Variants in ABCG8 observed in about 807,000 individuals in gnomAD.
The protein encoded by ABCG8 is ATP-binding cassette sub-family G member 8.
In ABCG8, 81 loss-of-function variants were observed where a neutral mutation model predicts 71.3. The ratio of observed to expected loss-of-function variants is 1.14; its 90% CI spans 0.95 to 1.37. The LOEUF is 1.37. Among genes scored for constraint, ABCG8 ranks in the 40% most tolerant of loss-of-function variants. The pLI is 0.00. For synonymous variants in ABCG8, 451 were observed against 354.7 expected (o/e 1.27, Z -3.05); for missense variants, 1,119 against 866.2 (o/e 1.29, Z -3.66).
intron 6 of ABCG8, among the ~76,000 whole-genome samples, chr2:43,868,316 ACT>A (rs1245382966): frequency 1.3e-5 from 2 of 151,182 alleles, no homozygotes; most frequent in Admixed American, 1.3e-4. Context: ...TCTGGATAAA[ACT>A]CTCACTATCT....
chr2:43,860,960 T>G (rs1415952993), intron 6 of ABCG8, among the ~76,000 whole-genome samples: 1 of 151,118 alleles, frequency 6.6e-6, no homozygotes. Context: ...CTGGATATAA[T>G]TCTCACTCTC....
Position 43,875,345 on chromosome 2 carries a change from G to C in ABCG8, c.1688G>C (p.Ser563Thr). 1 of 1,614,162 alleles carries C rather than the reference G, an allele frequency of 6.2e-7. No homozygotes were observed. The highest frequency in any genetic ancestry group is 1.1e-5 in the South Asian group (1 of 91,086). The change falls in exon 11 of 13, where the codon AGC (serine) becomes ACC (threonine). Residue 563 changes from serine to threonine, a missense_variant. By Grantham distance (58) the Ser-to-Thr change is moderately conservative. Transcript: ENST00000272286. ...ACCTTCCACATGGCCTCCTTCTTCA[G>C]CAATGCCCTCTACAACTCCTTCTAC... ...LPTFHMASFF[S>T]NALYNSFYLA...
chr2:43,875,366 T>G lies in ABCG8; in HGVS notation c.1709T>G (p.Phe570Cys). The change falls in exon 11 of 13, where the codon TTC becomes TGC. Residue 570 changes from phenylalanine (F) to cysteine (C), a missense_variant. Physicochemically the swap from Phe to Cys is radical, Grantham distance 205. Coordinates refer to ENST00000272286, the MANE Select transcript of ABCG8 (RefSeq NM_022437.3). ...TTCAGCAATGCCCTCTACAACTCCT[T>G]CTACCTCGCCGGGGGCTTCATGATA... The part of the protein sequence containing the change: ...SFFSNALYNS[F>C]YLAGGFMINL... The G allele has an allele frequency of 6.2e-7, 1 of 1,614,104 alleles. No individual in the cohort carries two copies. Among genetic ancestry groups the G allele is most frequent in the Non-Finnish European group, 8.5e-7 (1 of 1,180,022 alleles).
chr2:43,846,990 G>GCGCC (rs1198377759), intron 3 of ABCG8: 1 of 110,838 alleles, frequency 9.0e-6, no homozygotes, highest in Admixed American at 9.7e-5. Flanking sequence ...ACGCGCGCGT[G>GCGCC]CACACACACA....
At chr2:43,855,601 G>T (rs960385446) in intron 6 of ABCG8, among the ~76,000 whole-genome samples, 4 of 152,116 alleles carry the variant, frequency 2.6e-5, no homozygotes, top group African/African-American at 7.2e-5. Flanking sequence ...TATCTAGATA[G>T]AATTATCACT....
At chr2:43,839,164 G>T (rs758562424) in intron 1 of ABCG8, 48 bp downstream of exon 1, 1 of 1,541,546 alleles carries the variant, frequency 6.5e-7, no homozygotes, top group Non-Finnish European at 8.8e-7. Context: ...GCGGGTAGGA[G>T]AAATCAAACC....
In ABCG8 at chr2:43,873,810, G is replaced by A. The variant is rs780528333; in HGVS notation, c.1235G>A (p.Arg412Gln). 6.8e-6 allele frequency: 11 copies of A among 1,613,872 alleles called. No homozygotes were observed. Among genetic ancestry groups the A allele is most frequent in the African/African-American group, 2.7e-5 (2 of 74,882 alleles). ...LIRRQISNDF[R>Q]DLPTLLIHGA... ...AGTCGTCAGATTTCCAACGACTTCC[G>A]AGACCTGCCCACCCTCCTCATCCAT... Residue 412 changes from arginine to glutamine, a missense_variant, in exon 9 of 13, where the codon CGA becomes CAA. Coordinates refer to ENST00000272286, the MANE Select transcript of ABCG8 (RefSeq NM_022437.3).
chr2:43,868,848 C>A (rs1258704594), intron 6 of ABCG8, among the ~76,000 whole-genome samples: 2 of 150,564 alleles, frequency 1.3e-5, no homozygotes, highest in Admixed American at 1.3e-4. Flanking sequence ...CTAGATAGAA[C>A]TCTCACAATC....
In ABCG8 at chr2:43,839,403, C is replaced by CTTTTTTTT. The variant is rs537784677; in HGVS notation, c.63+321_63+328dup. Among the ~76,000 whole-genome samples, 69 of 59,306 alleles carry CTTTTTTTT rather than the reference C, an allele frequency of 1.2e-3. 15 individuals are homozygous for CTTTTTTTT. Among genetic ancestry groups the CTTTTTTTT allele is most frequent in the Non-Finnish European group, 1.8e-3 (56 of 31,218 alleles). The allele number at this position is 59,306 out of a possible 152,430, so 38.9% of individuals were successfully genotyped here. A position where few individuals can be genotyped will look rare whatever the true frequency, so the allele number is the denominator to read the frequency against. Reference sequence around the variant, plus strand: ...CACTTTTTCTTTTTTCTTTTCTTCTCTTTTTTTTTTTTTTTTTTTTTTTTT... The same window carrying CTTTTTTTT: ...CACTTTTTCTTTTTTCTTTTCTTCTCTTTTTTTTTTTTTTTTTTTTTTTTTTTTTTTTT... On this transcript the variant is annotated intron_variant, in intron 1 of 12. Coordinates refer to ENST00000272286, the MANE Select transcript of ABCG8 (RefSeq NM_022437.3).
chr2:43,851,437 C>G, intron 3 of ABCG8, 147 bp from the exon 4 acceptor site: 1 of 888,690 alleles, frequency 1.1e-6, no homozygotes, highest in Non-Finnish European at 1.8e-6. Flanking sequence ...CCATCTAGGT[C>G]CAGGGACTAT....
intron 6 of ABCG8, among the ~76,000 whole-genome samples, chr2:43,862,961 A>G (rs1669380754): frequency 6.6e-6 from 1 of 151,180 alleles, no homozygotes; most frequent in Non-Finnish European, 1.5e-5. Flanking sequence ...CTTACTATCA[A>G]TCTGGATAGA....
chr2:43,847,218 G>C (rs1272935879), intron 3 of ABCG8: 2 of 152,134 alleles, frequency 1.3e-5, no homozygotes, highest in Non-Finnish European at 1.5e-5. Flanking sequence ...CATTTCCAGA[G>C]GTAGAGATTA....
At chr2:43,841,418 C>T (rs1026636587) in intron 1 of ABCG8, among the ~76,000 whole-genome samples, 8 of 152,086 alleles carry the variant, frequency 5.3e-5, no homozygotes, top group South Asian at 2.1e-4. Context: ...AGATGTCAGC[C>T]GAATAGATAC....
chr2:43,851,215 T>C (rs1395632895), intron 3 of ABCG8, among the ~76,000 whole-genome samples: 1 of 152,216 alleles, frequency 6.6e-6, no homozygotes, highest in African/African-American at 2.4e-5. Context: ...CCAGCCTGCC[T>C]TGGGGAGAAA....
Position 43,882,010 on chromosome 2 carries a change from G to C in ABCG8, c.*4097G>C, listed in dbSNP as rs1248584348. On this transcript the variant is annotated 3_prime_UTR_variant, in exon 13 of 13. Coordinates refer to ENST00000272286, the MANE Select transcript of ABCG8 (RefSeq NM_022437.3). ...CAAAAACAGGCAGGTTGCTAGATTT[G>C]ACCTGAGGGTGTAGTTTGCAGAGCC... 2.0e-5 allele frequency: 3 copies of C among 152,192 alleles called. No individual in the cohort carries two copies. The highest frequency in any genetic ancestry group is 6.5e-5 in the Admixed American group (1 of 15,278). 9.4% of individuals were successfully genotyped at this position (152,192 alleles called of 1,614,324 possible). A position where few individuals can be genotyped will look rare whatever the true frequency, so the allele number is the denominator to read the frequency against.
At position 43,881,952 on chromosome 2, in the gene ABCG8, C is replaced by G. The variant is rs772582410; in HGVS notation, c.*4039C>G. ...GCTGTAGACTATAGTAACGTACAGC[C>G]GGTGTGGCTGTCTTCTAAGAAAGTA... is the stretch of plus-strand genomic sequence containing the variant. On this transcript the variant is annotated 3_prime_UTR_variant, in exon 13 of 13. Transcript: ENST00000272286. 6.6e-6 allele frequency: 1 copy of G among 152,116 alleles called. No homozygotes were observed. The highest frequency in any genetic ancestry group is 1.9e-4 in the East Asian group (1 of 5,198). 9.4% of individuals were successfully genotyped at this position (152,116 alleles called of 1,614,324 possible).
In ABCG8 at chr2:43,861,937, T is replaced by G. The variant is rs140960160; in HGVS notation, c.964+9069T>G. 1.2e-4 allele frequency among the ~76,000 whole-genome samples: 18 copies of G among 151,478 alleles called. No individual in the cohort carries two copies. The East Asian group carries it at 3.1e-3, about 26-fold the overall frequency. On this transcript the variant is annotated intron_variant, in intron 6 of 12. Transcript: ENST00000272286. ...CTCTCTGGATAGAACTCTCACTATC[T>G]ACCTCGATATAATTCTCACTCTCTG...
chr2:43,842,039 C>A (rs150265996), intron 1 of ABCG8, among the ~76,000 whole-genome samples: 2 of 151,852 alleles, frequency 1.3e-5, no homozygotes, highest in African/African-American at 4.8e-5. Context: ...CAGAGTCTCA[C>A]GCTGTGGCCC....
chr2:43,846,246 T>C lies in ABCG8; in HGVS notation c.257T>C (p.Leu86Pro). 8 of 1,614,196 alleles carry C rather than the reference T, an allele frequency of 5.0e-6. No individual in the cohort carries two copies. Among genetic ancestry groups the C allele is most frequent in the Non-Finnish European group, 6.8e-6 (8 of 1,180,028 alleles). Residue 86 changes from leucine (L) to proline (P), a missense_variant, in exon 3 of 13, where the codon CTG (leucine) becomes CCG (proline). By Grantham distance (98) the Leu-to-Pro change is moderately conservative. Transcript: ENST00000272286. ...TSPSCQNSCE[L>P]GIQNLSFKVR... ...CCCAGCTGCCAGAATTCTTGTGAGC[T>C]GGGCATCCAGAACCTAAGCTTCAAA...
Sources: gnomAD v4.1 joint callset for allele counts (sites outside exome capture counted in the v4.1 genomes callset) on GRCh38, gnomAD v4.1.1 for gene constraint, MANE v1.5 for transcripts, NCBI Gene and HGNC (gene_info 2026-07-23, HGNC 2026-07-21) for gene names.